The following RBFOX3 variants were observed in gnomAD, a reference collection of about 807,000 sequenced individuals.
RBFOX3 encodes RNA binding fox-1 homolog 3, also known as RNA binding protein fox-1 homolog 3.
RBFOX3 carries 17 observed loss-of-function variants against 48.7 expected under a neutral mutation model. The observed-to-expected ratio is 0.35, with a 90% CI of 0.24 to 0.52. The LOEUF (loss-of-function observed/expected upper bound fraction) is 0.52, where lower values mean the gene tolerates loss of function less well. Ranked by LOEUF, RBFOX3 falls within the 20% of genes least tolerant of loss-of-function variation. RBFOX3 has a pLI of 0.94. For missense variants in RBFOX3, 382 were observed against 497.5 expected (o/e 0.77, Z 2.21); for synonymous variants, 212 against 209.5 (o/e 1.01, Z -0.10).
rs2083434970 is a variant in RBFOX3, at chr17:79,508,057, C to T, written c.-319-25459G>A. 2.6e-5 allele frequency among the ~76,000 whole-genome samples: 4 copies of T among 152,370 alleles called. No individual in the cohort carries two copies. In the Middle Eastern group the frequency reaches 0.01, roughly 389 times the overall value. ...GGGTCTGGCCCGTGGATTTAGGAGCCTCAATGGGACCGATTTGTAAACTGC... is the reference window on the plus strand; with the variant it reads ...GGGTCTGGCCCGTGGATTTAGGAGCTTCAATGGGACCGATTTGTAAACTGC... On this transcript the variant is annotated intron_variant, in intron 1 of 14. Transcript: ENST00000693108.
intron 2 of RBFOX3, among the ~76,000 whole-genome samples, chr17:79,349,648 A>G (rs956696912): frequency 1.3e-5 from 2 of 152,016 alleles, no homozygotes; most frequent in East Asian, 3.9e-4. Flanking sequence ...AGGCCCGGCA[A>G]TGCCTGAAGA....
chr17:79,097,176 C>G (rs558474435), intron 11 of RBFOX3, 116 bp downstream of exon 11: 8 of 871,954 alleles, frequency 9.2e-6, no homozygotes, highest in African/African-American at 8.7e-5. Context: ...ACGATCCTCC[C>G]CCCCCCCAGG....
chr17:79,281,397 G>A (rs898952780), intron 3 of RBFOX3, among the ~76,000 whole-genome samples: 42 of 151,750 alleles, frequency 2.8e-4, no homozygotes, highest in Non-Finnish European at 1.2e-4. Context: ...GGTGCCTTGG[G>A]CCTGGAGGAG....
intron 4 of RBFOX3, among the ~76,000 whole-genome samples, chr17:79,171,707 C>T (rs1373785077): frequency 1.8e-5 from 2 of 109,298 alleles, no homozygotes; most frequent in African/African-American, 1.1e-4. Flanking sequence ...AGTGATCCTC[C>T]CAACTCAACC....
intron 4 of RBFOX3, among the ~76,000 whole-genome samples, chr17:79,177,837 AT>A (rs1568289407): frequency 6.6e-6 from 1 of 152,088 alleles, no homozygotes; most frequent in African/African-American, 2.4e-5. Context: ...ACCACCCTCA[AT>A]CAAGCGCAGA....
At chr17:79,656,916 GGAAAA>G in the RBFOX3 span, among the ~76,000 whole-genome samples, 1 of 151,298 alleles carries the variant, frequency 6.6e-6, no homozygotes, top group Non-Finnish European at 1.5e-5. Context: ...AAGGAAGGAA[GGAAAA>G]GAAAAGAGAA....
intron 4 of RBFOX3, among the ~76,000 whole-genome samples, chr17:79,201,912 G>A (rs28552933): frequency 2.0e-5 from 3 of 152,118 alleles, no homozygotes; most frequent in Non-Finnish European, 4.4e-5. Flanking sequence ...CTCTCTCTGC[G>A]TCTCCGCCCC....
chr17:79,482,738 T>C lies in RBFOX3; in HGVS notation c.-319-140A>G, dbSNP rs888880890. On this transcript the variant is annotated intron_variant, in intron 1 of 14. Transcript: ENST00000693108. This position sits in a 1 kb window ranked among gnomAD's most constrained non-coding sequence, Gnocchi z 4.1. ...CTGTTTGCCACCAGGGATCGAGGGA[T>C]TGAGGGATCAGCACCCTCCAAAGGG... 1.3e-5 allele frequency: 2 copies of C among 152,142 alleles called. No individual in the cohort carries two copies. Among genetic ancestry groups the C allele is most frequent in the Admixed American group, 1.3e-4 (2 of 15,280 alleles). 9.4% of individuals were successfully genotyped at this position (152,142 alleles called of 1,614,324 possible). A position where few individuals can be genotyped will look rare whatever the true frequency, so the allele number is the denominator to read the frequency against.
chr17:79,422,406 C>A (rs2066580960), intron 2 of RBFOX3, among the ~76,000 whole-genome samples: 1 of 151,892 alleles, frequency 6.6e-6, no homozygotes, highest in Non-Finnish European at 1.5e-5. Flanking sequence ...GTGCCCGGCC[C>A]TCCACTCCCA....
chr17:79,182,440 T>TG (rs997594574), intron 4 of RBFOX3, among the ~76,000 whole-genome samples: 3 of 152,134 alleles, frequency 2.0e-5, no homozygotes, highest in African/African-American at 7.2e-5. Flanking sequence ...CCGAGGGGCC[T>TG]GGGGGAGACG....
intron 2 of RBFOX3, among the ~76,000 whole-genome samples, chr17:79,406,806 T>C (rs1207910227): frequency 6.6e-6 from 1 of 152,164 alleles, no homozygotes; most frequent in African/African-American, 2.4e-5. Flanking sequence ...CTCCCTACAA[T>C]GCTGGATGCT....
chr17:79,295,181 G>A (rs2074127069), intron 3 of RBFOX3, among the ~76,000 whole-genome samples: 2 of 152,116 alleles, frequency 1.3e-5, no homozygotes, highest in Non-Finnish European at 2.9e-5. Flanking sequence ...AGTGGTTGGG[G>A]CCCATAAGCC....
chr17:79,228,673 C>G (rs575898020), intron 4 of RBFOX3, among the ~76,000 whole-genome samples: 1 of 152,192 alleles, frequency 6.6e-6, no homozygotes, highest in African/African-American at 2.4e-5. Flanking sequence ...GCATCCCTGA[C>G]GTGGAGCAAA....
At chr17:79,478,273 A>G (rs1256716299) in intron 2 of RBFOX3, among the ~76,000 whole-genome samples, 9 of 152,214 alleles carry the variant, frequency 5.9e-5, no homozygotes, top group African/African-American at 2.2e-4. Context: ...ATGGGAAGTC[A>G]TGTGTTGCCG....
At chr17:79,178,011 C>T (rs1032860876) in intron 4 of RBFOX3, among the ~76,000 whole-genome samples, 12 of 152,260 alleles carry the variant, frequency 7.9e-5, no homozygotes, top group African/African-American at 2.9e-4. Flanking sequence ...GCCCACATGC[C>T]CCGCCGAGTC....
At chr17:79,294,555 G>A (rs538812499) in intron 3 of RBFOX3, among the ~76,000 whole-genome samples, 2 of 152,208 alleles carry the variant, frequency 1.3e-5, no homozygotes, top group East Asian at 3.9e-4. Flanking sequence ...CAAATGACCT[G>A]CCTGCCGCGA....
At chr17:79,632,428 G>C in the RBFOX3 span, among the ~76,000 whole-genome samples, 1 of 152,100 alleles carries the variant, frequency 6.6e-6, no homozygotes, top group Admixed American at 6.5e-5. Flanking sequence ...ACCCCTGTTG[G>C]TGCCTCTAAA....
intron 1 of RBFOX3, among the ~76,000 whole-genome samples, chr17:79,494,304 C>A (rs2081126166): frequency 6.6e-6 from 1 of 152,148 alleles, no homozygotes; most frequent in African/African-American, 2.4e-5. Context: ...GGAGAAGATG[C>A]AGTGTAAGGG....
At chr17:79,402,810 C>T (rs969624216) in intron 2 of RBFOX3, among the ~76,000 whole-genome samples, 64 of 152,132 alleles carry the variant, frequency 4.2e-4, no homozygotes, top group African/African-American at 1.5e-3. Context: ...GCCTCTGACC[C>T]GGATCCAGCT....
Sources: allele counts gnomAD v4.1 joint callset (sites outside exome capture counted in the v4.1 genomes callset), GRCh38; gene constraint gnomAD v4.1.1; non-coding constraint Gnocchi (gnomAD v3.1); transcripts MANE v1.5; gene names NCBI Gene and HGNC (gene_info 2026-07-23, HGNC 2026-07-21).